Variants in HECW2 observed in about 807,000 individuals in gnomAD.
HECW2 encodes the protein HECT, C2 and WW domain containing E3 ubiquitin protein ligase 2, also known as E3 ubiquitin-protein ligase HECW2.
In HECW2, 61 loss-of-function variants were observed where a neutral mutation model predicts 175.2. The observed-to-expected ratio is 0.35, with a 90% confidence interval of 0.28 to 0.43. The LOEUF is 0.43. Ranked by LOEUF, HECW2 falls within the 20% of genes least tolerant of loss-of-function variation. The pLI is 1.00. For missense variants in HECW2, 1,524 were observed against 2,000.5 expected (o/e 0.76, Z 4.54); for synonymous variants, 671 against 731.0 (o/e 0.92, Z 1.32).
chr2:196,451,727 C>A (rs1317126651), intron 1 of HECW2, among the ~76,000 whole-genome samples: 1 of 151,886 alleles, frequency 6.6e-6, no homozygotes, highest in African/African-American at 2.4e-5. Context: ...GGTGAAACCC[C>A]GTCTCTACTA....
chr2:196,312,593 G>C (rs1449210287), intron 10 of HECW2, among the ~76,000 whole-genome samples: 2 of 152,176 alleles, frequency 1.3e-5, no homozygotes, highest in African/African-American at 4.8e-5. Context: ...ATACGGAGTT[G>C]CGGTCAGTGA....
chr2:196,229,879 C>T lies in HECW2; in HGVS notation c.3765-1625G>A, dbSNP rs376581285. Among the ~76,000 whole-genome samples, 18 of 152,236 alleles carry T rather than the reference C, an allele frequency of 1.2e-4. 1 individual carries two copies. The highest frequency in any genetic ancestry group is 4.3e-4 in the African/African-American group (18 of 41,510). On this transcript the variant is annotated intron_variant, in intron 21 of 28. Coordinates refer to ENST00000644978, the MANE Select transcript of HECW2 (RefSeq NM_001348768.2). ...ACAATCTTTATAAAGTTTTGATGTG[C>T]TAGCTCTATTGTTTCCCAATGTACC...
rs562276880 is a variant in HECW2 at position 196,355,431 on chromosome 2, T to C, written c.293-11667A>G. Among the ~76,000 whole-genome samples the C allele has an allele frequency of 5.6e-4, 86 of 152,344 alleles. 1 individual carries two copies. Among genetic ancestry groups the C allele is most frequent in the African/African-American group, 2.0e-3 (82 of 41,588 alleles). On this transcript the variant is annotated intron_variant, in intron 2 of 28. Coordinates refer to ENST00000644978, the MANE Select transcript of HECW2 (RefSeq NM_001348768.2). ...CATTAGGCCCTTCAAGAATTTTCTA[T>C]GACAATGATGATAAAATGCCTCAAT...
At chr2:196,483,094 T>TAAA (rs370614949) in intron 1 of HECW2, among the ~76,000 whole-genome samples, 7,318 of 110,258 alleles carry the variant, frequency 0.066, 230 homozygotes, top group Middle Eastern at 0.11. Flanking sequence ...TTCATAGTTG[T>TAAA]AAAAAAAAAA....
intron 7 of HECW2, among the ~76,000 whole-genome samples, chr2:196,321,490 G>A (rs13432857): frequency 0.043 from 6,373 of 149,560 alleles, 485 homozygotes; most frequent in African/African-American, 0.15. Flanking sequence ...TCCACCTCCC[G>A]GGTTCAAGCA....
chr2:196,409,312 C>T (rs1417545143), intron 2 of HECW2, among the ~76,000 whole-genome samples: 2 of 152,194 alleles, frequency 1.3e-5, no homozygotes, highest in African/African-American at 4.8e-5. Flanking sequence ...GTTTCTAAAT[C>T]TCTGTGCTGT....
At chr2:196,387,671 T>C (rs1357991680) in intron 2 of HECW2, among the ~76,000 whole-genome samples, 1 of 152,188 alleles carries the variant, frequency 6.6e-6, no homozygotes, top group African/African-American at 2.4e-5. Flanking sequence ...AAAATATGCA[T>C]AGATATATCT....
intron 21 of HECW2, among the ~76,000 whole-genome samples, chr2:196,231,225 A>AGT: frequency 6.6e-6 from 1 of 152,094 alleles, no homozygotes; most frequent in South Asian, 2.1e-4. Context: ...TCATCTTAGA[A>AGT]GTCATTTTGT....
At chr2:196,443,570 T>C (rs1696098703) in intron 1 of HECW2, among the ~76,000 whole-genome samples, 2 of 152,348 alleles carry the variant, frequency 1.3e-5, no homozygotes, top group East Asian at 1.9e-4. Flanking sequence ...ATTAGGAAAA[T>C]GAAAGCCAAA....
At position 196,220,808 on chromosome 2, in the gene HECW2, C is replaced by T. The variant is rs760300569; in HGVS notation, c.4280G>A (p.Arg1427His). The T allele has an allele frequency of 6.9e-5, 112 of 1,613,984 alleles. No individual in the cohort carries two copies. Among genetic ancestry groups the T allele is most frequent in the Non-Finnish European group, 8.9e-5 (105 of 1,179,998 alleles). ...GVVQQTESLVRGFYEVVDARL... is the reference protein window; with the variant it reads ...GVVQQTESLVHGFYEVVDARL... ...GATTGTCTTTACCTCATAGAAGCCACGCACTAAGCTCTCTGTTTGCTGTAC... is the reference window on the plus strand; with the variant it reads ...GATTGTCTTTACCTCATAGAAGCCATGCACTAAGCTCTCTGTTTGCTGTAC... Residue 1427 changes from arginine to histidine, a missense_variant, in exon 25 of 29, where the codon CGT (arginine) becomes CAT (histidine). Arg to His is a conservative substitution (Grantham distance 29). Transcript: ENST00000644978.
intron 10 of HECW2, among the ~76,000 whole-genome samples, chr2:196,312,245 G>T (rs545988368): frequency 1.9e-4 from 29 of 151,758 alleles, no homozygotes; most frequent in African/African-American, 6.8e-4. Context: ...ATCAGGGATG[G>T]GTGGGGGGGT....
intron 2 of HECW2, among the ~76,000 whole-genome samples, chr2:196,421,812 C>A (rs957574683): frequency 6.6e-6 from 1 of 152,122 alleles, no homozygotes; most frequent in Non-Finnish European, 1.5e-5. Context: ...ATGCCTGTAT[C>A]AAGTATCGCT....
At chr2:196,457,138 A>G (rs760759293) in intron 1 of HECW2, among the ~76,000 whole-genome samples, 1 of 152,186 alleles carries the variant, frequency 6.6e-6, no homozygotes, top group Non-Finnish European at 1.5e-5. Context: ...CTATATGTTG[A>G]GCTGCTGATA....
chr2:196,268,920 C>T (rs1689621744), intron 17 of HECW2, among the ~76,000 whole-genome samples: 1 of 152,132 alleles, frequency 6.6e-6, no homozygotes, highest in South Asian at 2.1e-4. Context: ...ACTTCTTACA[C>T]AAGATTCTCT....
chr2:196,439,624 G>A (rs993924136), intron 1 of HECW2, among the ~76,000 whole-genome samples: 11 of 152,128 alleles, frequency 7.2e-5, no homozygotes, highest in East Asian at 1.9e-4. Context: ...AGCCAGCGAC[G>A]GGACAGTGTA....
intron 14 of HECW2, chr2:196,290,652 T>C (rs771478548): frequency 2.0e-5 from 3 of 152,190 alleles, no homozygotes; most frequent in Non-Finnish European, 2.9e-5. Flanking sequence ...TATACCCAGG[T>C]ATAATACTAC....
chr2:196,337,574 AAT>A (rs57544424), intron 3 of HECW2, among the ~76,000 whole-genome samples: 23,124 of 95,226 alleles, frequency 0.24, 1,934 homozygotes, highest in East Asian at 0.46. Flanking sequence ...AAAATAAAAA[AAT>A]ATATATATAT....
At chr2:196,231,212 A>G (rs1477471710) in intron 21 of HECW2, among the ~76,000 whole-genome samples, 1 of 151,990 alleles carries the variant, frequency 6.6e-6, no homozygotes, top group Non-Finnish European at 1.5e-5. Flanking sequence ...CCCGTGGTCA[A>G]AGTCATCTTA....
intron 1 of HECW2, among the ~76,000 whole-genome samples, chr2:196,566,644 T>C (rs959994336): frequency 1.9e-4 from 28 of 150,450 alleles, no homozygotes; most frequent in Non-Finnish European, 3.7e-4. Context: ...GTGATTCTCC[T>C]GCCTCAGCCT....
Sources: gnomAD v4.1 joint callset for allele counts (sites outside exome capture counted in the v4.1 genomes callset) on GRCh38, gnomAD v4.1.1 for gene constraint, MANE v1.5 for transcripts, NCBI Gene and HGNC (gene_info 2026-07-23, HGNC 2026-07-21) for gene names.